Variants in USP37 observed in about 807,000 individuals in gnomAD.
USP37 encodes the protein ubiquitin specific peptidase 37.
In USP37, 27 loss-of-function variants were observed where a neutral mutation model predicts 124.0. That is an observed-to-expected ratio of 0.22 (90% CI 0.16 to 0.30). The LOEUF (loss-of-function observed/expected upper bound fraction) is 0.30, where lower values mean the gene tolerates loss of function less well. USP37 is among the 10% of genes least tolerant of loss of function. USP37 has a pLI of 1.00. For synonymous variants in USP37, 365 were observed against 388.0 expected (o/e 0.94, Z 0.70); for missense variants, 889 against 1,140.4 (o/e 0.78, Z 3.17).
intron 7 of USP37, among the ~76,000 whole-genome samples, chr2:218,546,547 T>C (rs1016909461): frequency 6.6e-6 from 1 of 152,128 alleles, no homozygotes; most frequent in African/African-American, 2.4e-5. Flanking sequence ...GCCTCCCGAG[T>C]AGCTGGGACT....
intron 5 of USP37, 89 bp from the exon 6 acceptor site, chr2:218,549,998 G>C (rs1574955636): frequency 1.0e-6 from 1 of 984,830 alleles, no homozygotes; most frequent in Non-Finnish European, 1.4e-6. Flanking sequence ...ATATAATATT[G>C]AAGAAATGGA....
At chr2:218,487,954 T>C (rs972523260) in intron 15 of USP37, among the ~76,000 whole-genome samples, 4 of 150,740 alleles carry the variant, frequency 2.7e-5, no homozygotes, top group African/African-American at 4.9e-5. Flanking sequence ...GAGGCCAAGG[T>C]GGGCAGATCA....
intron 4 of USP37, among the ~76,000 whole-genome samples, chr2:218,553,960 C>T (rs1056790958): frequency 2.0e-5 from 3 of 152,018 alleles, no homozygotes; most frequent in Non-Finnish European, 4.4e-5. Flanking sequence ...AGAGATCTTG[C>T]ACCAAGGGTA....
rs1559224933 is a variant in USP37 at position 218,550,030 on chromosome 2, AAAC to A, written c.329-124_329-122del. 7 of 672,850 alleles carry A rather than the reference AAAC, an allele frequency of 1.0e-5. No homozygotes were observed. In the South Asian group the frequency reaches 2.2e-4, roughly 21 times the overall value. The allele number at this position is 672,850 out of a possible 1,614,324, so 41.7% of individuals were successfully genotyped here. A position where few individuals can be genotyped will look rare whatever the true frequency, so the allele number is the denominator to read the frequency against. ...TGGACGAAACAGCAGGCAAAAAAGA[AAAC>A]AAATCAAAGTGCCTATCAACCAATT... On this transcript the variant is annotated intron_variant, in intron 5 of 25. Coordinates refer to ENST00000258399, the MANE Select transcript of USP37 (RefSeq NM_020935.3).
At chr2:218,514,182 A>G (rs926711896) in intron 10 of USP37, 40 of 152,182 alleles carry the variant, frequency 2.6e-4, no homozygotes, top group African/African-American at 9.4e-4. Flanking sequence ...TCCTAATATT[A>G]GAATCTTATA....
intron 4 of USP37, 132 bp downstream of exon 4, chr2:218,558,366 A>C (rs1693139530): frequency 2.5e-6 from 2 of 791,104 alleles, no homozygotes; most frequent in South Asian, 2.6e-5. Context: ...TAAAAATATT[A>C]ATGTCCTAGA....
chr2:218,539,966 T>C (rs969878787), intron 8 of USP37, among the ~76,000 whole-genome samples: 2 of 152,058 alleles, frequency 1.3e-5, no homozygotes, highest in African/African-American at 4.8e-5. Context: ...GCCAAGATCA[T>C]GCCACTGCAT....
chr2:218,465,725 G>A (rs916151426), intron 21 of USP37, among the ~76,000 whole-genome samples: 1 of 151,964 alleles, frequency 6.6e-6, no homozygotes, highest in African/African-American at 2.4e-5. Flanking sequence ...GCCTGGCTAA[G>A]TTTTATATTT....
chr2:218,513,590 C>T (rs1690118402), intron 10 of USP37, among the ~76,000 whole-genome samples: 2 of 152,176 alleles, frequency 1.3e-5, no homozygotes, highest in South Asian at 4.1e-4. Flanking sequence ...GACCAGGCAA[C>T]TACTGATCTG....
At position 218,562,791 on chromosome 2, in the gene USP37, T is replaced by G; in HGVS notation, c.-207A>C. On this transcript the variant is annotated 5_prime_UTR_variant, in exon 2 of 26. Transcript: ENST00000258399. ...TACTCATATTCTGCAGCTATGCCAG[T>G]TCTCCGGAAGCCATCAACTCAGCTA... 2.5e-6 allele frequency: 1 copy of G among 398,606 alleles called. No individual in the cohort carries two copies. The highest frequency in any genetic ancestry group is 4.4e-6 in the Non-Finnish European group (1 of 226,068). The allele number at this position is 398,606 out of a possible 1,614,324, so 24.7% of individuals were successfully genotyped here. A position where few individuals can be genotyped will look rare whatever the true frequency, so the allele number is the denominator to read the frequency against.
At chr2:218,460,530 TTC>T (rs1689961384) in intron 22 of USP37, among the ~76,000 whole-genome samples, 1 of 152,194 alleles carries the variant, frequency 6.6e-6, no homozygotes, top group Non-Finnish European at 1.5e-5. Flanking sequence ...TTTCACTAAA[TTC>T]TATATGATAT....
At chr2:218,543,806 AAAAAAACAAAAAAC>A (rs371146254) in intron 8 of USP37, among the ~76,000 whole-genome samples, 1 of 145,094 alleles carries the variant, frequency 6.9e-6, no homozygotes, top group Non-Finnish European at 1.5e-5. Flanking sequence ...ACTCCGTCTC[AAAAAAACAAAAAAC>A]AAAAAACAAA....
chr2:218,501,862 A>G (rs766542680), intron 11 of USP37, among the ~76,000 whole-genome samples: 4 of 152,200 alleles, frequency 2.6e-5, no homozygotes, highest in Non-Finnish European at 5.9e-5. Flanking sequence ...TCTTCTTGAC[A>G]CTAATCAAGA....
At chr2:218,484,527 C>G (rs976619812) in intron 16 of USP37, among the ~76,000 whole-genome samples, 1 of 152,016 alleles carries the variant, frequency 6.6e-6, no homozygotes, top group Non-Finnish European at 1.5e-5. Flanking sequence ...GAGGCTGAGG[C>G]AGGAGAATCG....
chr2:218,524,612 ATTTTAT>A (rs1205608389), intron 10 of USP37, among the ~76,000 whole-genome samples: 1 of 151,782 alleles, frequency 6.6e-6, no homozygotes, highest in Non-Finnish European at 1.5e-5. Context: ...GAAGGATGTT[ATTTTAT>A]TTTATTTTTT....
chr2:218,507,226 C>A (rs1312682479), intron 11 of USP37, among the ~76,000 whole-genome samples: 1 of 151,970 alleles, frequency 6.6e-6, no homozygotes, highest in Non-Finnish European at 1.5e-5. Context: ...GTGGTGCAAT[C>A]TCGGCTCACT....
chr2:218,501,380 G>A (rs1339625315), intron 11 of USP37, among the ~76,000 whole-genome samples: 2 of 152,014 alleles, frequency 1.3e-5, no homozygotes, highest in Non-Finnish European at 2.9e-5. Flanking sequence ...AGGAATACAT[G>A]ATATTCCTGT....
intron 4 of USP37, among the ~76,000 whole-genome samples, chr2:218,554,534 G>A (rs1453554681): frequency 6.6e-6 from 1 of 152,054 alleles, no homozygotes; most frequent in Admixed American, 6.6e-5. Flanking sequence ...ATCACCTGAG[G>A]TCAGGAGTTC....
chr2:218,503,670 G>A lies in USP37; in HGVS notation c.1026-5513C>T, dbSNP rs1050788895. ...GCGGAGGCTGCAGTGAGCCGAGATC[G>A]CACCGTTGCACTCCAGCCTGGGCAA... is the stretch of plus-strand genomic sequence containing the variant. On this transcript the variant is annotated intron_variant, in intron 11 of 25. Transcript: ENST00000258399. Among the ~76,000 whole-genome samples, 9 of 152,188 alleles carry A rather than the reference G, an allele frequency of 5.9e-5. No individual in the cohort carries two copies. The South Asian group carries it at 1.2e-3, about 21-fold the overall frequency.
Sources: gnomAD v4.1 joint callset for allele counts (sites outside exome capture counted in the v4.1 genomes callset) on GRCh38, gnomAD v4.1.1 for gene constraint, MANE v1.5 for transcripts, NCBI Gene and HGNC (gene_info 2026-07-23, HGNC 2026-07-21) for gene names.